Variants in OSBPL3 observed in about 807,000 individuals in gnomAD.
OSBPL3 encodes oxysterol-binding protein-related protein 3.
Under a neutral mutation model 120.1 loss-of-function variants are expected in OSBPL3, and 65 were observed. The ratio of observed to expected loss-of-function variants is 0.54; its 90% CI spans 0.44 to 0.67. The LOEUF is 0.67. Among genes scored for constraint, OSBPL3 ranks in the 30% least tolerant of loss-of-function variants. The pLI, the probability that OSBPL3 is intolerant of heterozygous loss-of-function variation, is 0.00. For missense variants in OSBPL3, 1,004 were observed against 1,082.1 expected (o/e 0.93, Z 1.01); for synonymous variants, 416 against 402.6 (o/e 1.03, Z -0.40).
rs980030225 is a variant in OSBPL3 at position 24,972,919 on chromosome 7, G to C, written c.-150+6967C>G. On this transcript the variant is annotated intron_variant, in intron 1 of 22. Coordinates refer to ENST00000313367, the MANE Select transcript of OSBPL3 (RefSeq NM_015550.4). This position sits in a 1 kb window ranked among gnomAD's most constrained non-coding sequence, Gnocchi z 4.3. The stretch of plus-strand genomic sequence containing the variant: ...ATATCAAGACAGGAAACCAGTGTGG[G>C]AATCTTTACAAGTACTACATTTTAA... 1.3e-5 allele frequency among the ~76,000 whole-genome samples: 2 copies of C among 152,104 alleles called. No individual in the cohort carries two copies. The highest frequency in any genetic ancestry group is 4.2e-4 in the South Asian group (2 of 4,816).
rs1383662500 is a variant in OSBPL3 at position 24,819,070 on chromosome 7, T to C, written c.1948+1105A>G. Among the ~76,000 whole-genome samples, 1 of 151,936 alleles carries C rather than the reference T, an allele frequency of 6.6e-6. No homozygotes were observed. The highest frequency in any genetic ancestry group is 1.5e-5 in the Non-Finnish European group (1 of 67,980). ...GAGATCAAGACCATCCTGGCCAACA[T>C]GGTGAAACCCCATCTCTACTAAAAA... is the stretch of plus-strand genomic sequence containing the variant. On this transcript the variant is annotated intron_variant, in intron 17 of 22. Coordinates refer to ENST00000313367, the MANE Select transcript of OSBPL3 (RefSeq NM_015550.4). This position sits in a 1 kb window ranked among gnomAD's most constrained non-coding sequence, Gnocchi z 4.1.
At position 24,899,172 on chromosome 7, in the gene OSBPL3, C is replaced by G. The variant is rs1460074928; in HGVS notation, c.-149-6551G>C. On this transcript the variant is annotated intron_variant, in intron 1 of 22. Transcript: ENST00000313367. This position sits in a 1 kb window ranked among gnomAD's most constrained non-coding sequence, Gnocchi z 4.0. ...GTGATCCCAGATGTTCAACTTTGAT[C>G]ACCCTTCAATTTGTGCTTCTCTAAC... 6.6e-6 allele frequency among the ~76,000 whole-genome samples: 1 copy of G among 152,174 alleles called. No homozygotes were observed. The highest frequency in any genetic ancestry group is 1.9e-4 in the East Asian group (1 of 5,188).
chr7:24,814,294 A>G (rs74299523), intron 19 of OSBPL3, among the ~76,000 whole-genome samples: 18,065 of 43,138 alleles, frequency 0.42, 2,703 homozygotes, highest in African/African-American at 0.6. Flanking sequence ...GCGTGTGTGT[A>G]TATGGGTGTA....
intron 1 of OSBPL3, among the ~76,000 whole-genome samples, chr7:24,907,596 T>C (rs1808134018): frequency 6.6e-6 from 1 of 152,146 alleles, no homozygotes; most frequent in South Asian, 2.1e-4. Flanking sequence ...TCCTAGTGAG[T>C]CCTTCTTTAT....
chr7:24,914,970 T>C (rs777959371), intron 1 of OSBPL3, among the ~76,000 whole-genome samples: 1 of 152,200 alleles, frequency 6.6e-6, no homozygotes, highest in Non-Finnish European at 1.5e-5. Context: ...CAAAAGATCA[T>C]ACTTCGTAAC....
At position 24,883,655 on chromosome 7, in the gene OSBPL3, C is replaced by T. The variant is rs1804045177; in HGVS notation, c.96+8722G>A. Among the ~76,000 whole-genome samples the T allele has an allele frequency of 6.6e-6, 1 of 152,114 alleles. No individual in the cohort carries two copies. Among genetic ancestry groups the T allele is most frequent in the Non-Finnish European group, 1.5e-5 (1 of 68,028 alleles). On this transcript the variant is annotated intron_variant, in intron 2 of 22. Transcript: ENST00000313367. The surrounding 1 kb of genome is among the most constrained non-coding windows in gnomAD (Gnocchi z 5.4). ...AAATATATTTGCTGTGATTATTATT[C>T]CAGGATTGCAGAACAATACAGACAG...
At chr7:24,853,341 T>C (rs574549912) in intron 10 of OSBPL3, among the ~76,000 whole-genome samples, 1 of 152,342 alleles carries the variant, frequency 6.6e-6, no homozygotes. Flanking sequence ...TCTCCTTTGG[T>C]GTATGCCAGC....
intron 1 of OSBPL3, among the ~76,000 whole-genome samples, chr7:24,903,529 C>G (rs1807378422): frequency 6.6e-6 from 1 of 152,202 alleles, no homozygotes; most frequent in South Asian, 2.1e-4. Context: ...CTATCCTTCA[C>G]CAGAAGAAAT....
At position 24,897,622 on chromosome 7, in the gene OSBPL3, G is replaced by C. The variant is rs537805885; in HGVS notation, c.-149-5001C>G. Among the ~76,000 whole-genome samples, 115 of 152,228 alleles carry C rather than the reference G, an allele frequency of 7.6e-4. 4 individuals are homozygous for C. The South Asian group carries it at 0.018, about 24-fold the overall frequency. ...TTACAGGCGTGAGCCACCGCGCCCG[G>C]CCAGATGGCAGAATCTTAAAACATG... On this transcript the variant is annotated intron_variant, in intron 1 of 22. Coordinates refer to ENST00000313367, the MANE Select transcript of OSBPL3 (RefSeq NM_015550.4).
rs1799155355 is a variant in OSBPL3, at chr7:24,851,562, A to G, written c.1158+942T>C. 6.6e-6 allele frequency among the ~76,000 whole-genome samples: 1 copy of G among 152,154 alleles called. No individual in the cohort carries two copies. Among genetic ancestry groups the G allele is most frequent in the South Asian group, 2.1e-4 (1 of 4,816 alleles). ...TTCTGGTTACAAGATCCTAAAATTTATCTCCCCTACCTGACCTGAAATAGA... is the reference window on the plus strand; with the variant it reads ...TTCTGGTTACAAGATCCTAAAATTTGTCTCCCCTACCTGACCTGAAATAGA... On this transcript the variant is annotated intron_variant, in intron 11 of 22. Transcript: ENST00000313367. The surrounding 1 kb of genome is among the most constrained non-coding windows in gnomAD (Gnocchi z 4.1).
chr7:24,824,375 G>A lies in OSBPL3; in HGVS notation c.1885-4137C>T, dbSNP rs776277568. Among the ~76,000 whole-genome samples, 2 of 152,102 alleles carry A rather than the reference G, an allele frequency of 1.3e-5. No homozygotes were observed. Among genetic ancestry groups the A allele is most frequent in the African/African-American group, 2.4e-5 (1 of 41,400 alleles). ...AGGGGAGAAGCAGATAGGAAAAGGA[G>A]GTATTTTCAGTATTTTTGTACTTTG... On this transcript the variant is annotated intron_variant, in intron 16 of 22. Coordinates refer to ENST00000313367, the MANE Select transcript of OSBPL3 (RefSeq NM_015550.4). The surrounding 1 kb of genome is among the most constrained non-coding windows in gnomAD (Gnocchi z 4.9).
intron 1 of OSBPL3, among the ~76,000 whole-genome samples, chr7:24,907,636 T>G (rs998725278): frequency 1.3e-5 from 2 of 152,188 alleles, no homozygotes; most frequent in African/African-American, 2.4e-5. Context: ...CTTTCTCTCT[T>G]CCGTCTGTGG....
chr7:24,948,141 C>G (rs1006634618), intron 1 of OSBPL3, among the ~76,000 whole-genome samples: 1 of 151,908 alleles, frequency 6.6e-6, no homozygotes, highest in Non-Finnish European at 1.5e-5. Flanking sequence ...GAAGACAAAG[C>G]GAGAGAGAGA....
Position 24,892,467 on chromosome 7 carries a change from C to T in OSBPL3, c.6G>A (p.Met2Ile). M[M>I]SDEKNLGVSQ... ...ACACACCAAGGTTCTTCTCATCACT[C>T]ATCATGGACAGCAAGTCACTTGGCC... Residue 2 changes from methionine to isoleucine, a missense_variant, in exon 2 of 23, where the codon ATG becomes ATA. Met to Ile is a conservative substitution (Grantham distance 10). Transcript: ENST00000313367. 6.2e-7 allele frequency: 1 copy of T among 1,612,316 alleles called. No individual in the cohort carries two copies. Among genetic ancestry groups the T allele is most frequent in the Middle Eastern group, 1.7e-4 (1 of 6,058 alleles).
In OSBPL3 at chr7:24,834,681, C is replaced by T. The variant is rs1017990723; in HGVS notation, c.1551G>A (p.Pro517=). The T allele has an allele frequency of 2.5e-6, 4 of 1,613,878 alleles. No homozygotes were observed. Among genetic ancestry groups the T allele is most frequent in the African/African-American group, 2.7e-5 (2 of 74,938 alleles). Reference sequence around the variant, plus strand: ...TGTTACTGCTGCTCGGGCAGGGCGCCGGCAGGCACGTTCTTCTCCGGGACT... The same window carrying T: ...TGTTACTGCTGCTCGGGCAGGGCGCTGGCAGGCACGTTCTTCTCCGGGACT... ...EAKSRRRTCL[P]APCPSSSNIS... Residue 517 remains proline, a synonymous_variant, in exon 15 of 23, where the codon CCG becomes CCA. Coordinates refer to ENST00000313367, the MANE Select transcript of OSBPL3 (RefSeq NM_015550.4). This position sits in a 1 kb window ranked among gnomAD's most constrained non-coding sequence, Gnocchi z 5.2.
Position 24,877,942 on chromosome 7 carries a change from G to A in OSBPL3, c.97-5873C>T, listed in dbSNP as rs1803073016. On this transcript the variant is annotated intron_variant, in intron 2 of 22. Coordinates refer to ENST00000313367, the MANE Select transcript of OSBPL3 (RefSeq NM_015550.4). This position sits in a 1 kb window ranked among gnomAD's most constrained non-coding sequence, Gnocchi z 4.8. ...TTAAAGGTCACCATGAATACCAGGT[G>A]GAGAGAGAAACATGGGAGGGGTTGG... is the stretch of plus-strand genomic sequence containing the variant. 6.6e-6 allele frequency among the ~76,000 whole-genome samples: 1 copy of A among 152,186 alleles called. No individual in the cohort carries two copies.
intron 2 of OSBPL3, among the ~76,000 whole-genome samples, chr7:24,887,945 G>A (rs1804777383): frequency 1.3e-5 from 2 of 152,156 alleles, no homozygotes; most frequent in Admixed American, 6.5e-5. Flanking sequence ...CTTGTTTTAG[G>A]TATAGGTTAT....
Position 24,849,349 on chromosome 7 carries a change from C to T in OSBPL3, c.1159-173G>A, listed in dbSNP as rs1180189563. The T allele has an allele frequency of 2.2e-6, 1 of 461,892 alleles. No individual in the cohort carries two copies. Among genetic ancestry groups the T allele is most frequent in the Non-Finnish European group, 3.9e-6 (1 of 255,982 alleles). The allele number at this position is 461,892 out of a possible 1,614,324, so 28.6% of individuals were successfully genotyped here. ...AATGCTCTCCAAGAGGATACTGGTT[C>T]TGAGATGCCTGGGAGATGACAAACC... On this transcript the variant is annotated intron_variant, in intron 11 of 22. Transcript: ENST00000313367. This position sits in a 1 kb window ranked among gnomAD's most constrained non-coding sequence, Gnocchi z 5.4.
chr7:24,833,982 A>G lies in OSBPL3; in HGVS notation c.1746+504T>C, dbSNP rs546350171. 2 of 400,608 alleles carry G rather than the reference A, an allele frequency of 5.0e-6. No homozygotes were observed. Among genetic ancestry groups the G allele is most frequent in the African/African-American group, 4.3e-5 (2 of 46,064 alleles). The allele number at this position is 400,608 out of a possible 1,614,324, so 24.8% of individuals were successfully genotyped here. On this transcript the variant is annotated intron_variant, in intron 15 of 22. Coordinates refer to ENST00000313367, the MANE Select transcript of OSBPL3 (RefSeq NM_015550.4). The surrounding 1 kb of genome is among the most constrained non-coding windows in gnomAD (Gnocchi z 4.4). Reference sequence around the variant, plus strand: ...TAAGAGGGAGAGAGAAAAAAAGAATATTTCTGATGTGAAAACCTCCTCTTG... The same window carrying G: ...TAAGAGGGAGAGAGAAAAAAAGAATGTTTCTGATGTGAAAACCTCCTCTTG...
Sources: allele counts gnomAD v4.1 joint callset (sites outside exome capture counted in the v4.1 genomes callset), GRCh38; gene constraint gnomAD v4.1.1; non-coding constraint Gnocchi (gnomAD v3.1); transcripts MANE v1.5; gene names NCBI Gene and HGNC (gene_info 2026-07-23, HGNC 2026-07-21).